Variants in MGAT4C observed in about 807,000 individuals in gnomAD.
The protein encoded by MGAT4C is alpha-1,3-mannosyl-glycoprotein 4-beta-N-acetylglucosaminyltransferase C.
MGAT4C carries 19 observed loss-of-function variants against 40.1 expected under a neutral mutation model. The observed-to-expected ratio is 0.47, with a 90% CI of 0.33 to 0.70. The LOEUF (loss-of-function observed/expected upper bound fraction) is 0.70, where lower values mean the gene tolerates loss of function less well. Among genes scored for constraint, MGAT4C ranks in the 30% least tolerant of loss-of-function variants. The probability of loss-of-function intolerance (pLI) is 0.02; values close to 1 mark genes in which losing one functional copy is unlikely to be tolerated. For synonymous variants in MGAT4C, 181 were observed against 187.1 expected (o/e 0.97, Z 0.27); for missense variants, 491 against 563.2 (o/e 0.87, Z 1.30).
At position 86,406,733 on chromosome 12, in the gene MGAT4C, C is replaced by G. The variant is rs528736715; in HGVS notation, c.-120+28424G>C. Among the ~76,000 whole-genome samples, 130 of 151,962 alleles carry G rather than the reference C, an allele frequency of 8.6e-4. 1 individual carries two copies. The highest frequency in any genetic ancestry group is 3.4e-3 in the Middle Eastern group (1 of 294). On this transcript the variant is annotated intron_variant, in intron 3 of 7. Coordinates refer to the MGAT4C transcript ENST00000548651. ...TCTTTAAAAAAAAAAACTAAATGTG[C>G]AAATGCTATATAACTCAGCAACTAT... is the stretch of plus-strand genomic sequence containing the variant.
chr12:86,605,366 C>T (rs574008344), intron 2 of MGAT4C, among the ~76,000 whole-genome samples: 2 of 151,864 alleles, frequency 1.3e-5, no homozygotes, highest in South Asian at 2.1e-4. Context: ...TTCTTTCACC[C>T]GTTTACTGAG....
chr12:86,037,555 G>T (rs1348533405), intron 2 of MGAT4C, among the ~76,000 whole-genome samples: 2 of 150,188 alleles, frequency 1.3e-5, no homozygotes. Flanking sequence ...TTACGCAGTA[G>T]TCATTCAGGA....
At chr12:86,018,194 G>A (rs2136850766) in intron 2 of MGAT4C, among the ~76,000 whole-genome samples, 1 of 152,150 alleles carries the variant, frequency 6.6e-6, no homozygotes, top group Non-Finnish European at 1.5e-5. Flanking sequence ...AGTAGAGGTG[G>A]GAAAGAAGAA....
intron 2 of MGAT4C, among the ~76,000 whole-genome samples, chr12:86,577,708 C>A (rs1212385726): frequency 1.3e-5 from 2 of 151,610 alleles, no homozygotes; most frequent in Non-Finnish European, 2.9e-5. Context: ...ATTTTGTTTG[C>A]TACTATTTTA....
intron 2 of MGAT4C, among the ~76,000 whole-genome samples, chr12:86,616,638 T>G (rs1039927882): frequency 1.3e-5 from 2 of 152,066 alleles, no homozygotes; most frequent in Non-Finnish European, 2.9e-5. Flanking sequence ...TACATGCTAC[T>G]CATTTATTTC....
intron 3 of MGAT4C, among the ~76,000 whole-genome samples, chr12:86,342,874 G>A (rs1022298383): frequency 2.0e-5 from 3 of 152,020 alleles, no homozygotes; most frequent in Admixed American, 1.3e-4. Flanking sequence ...CAATGCAATC[G>A]ATTGATTATA....
intron 1 of MGAT4C, among the ~76,000 whole-genome samples, chr12:86,826,841 T>C (rs1221720326): frequency 1.3e-5 from 2 of 151,388 alleles, no homozygotes; most frequent in East Asian, 3.9e-4. Context: ...ATGTTATACT[T>C]GTGCTTTTAT....
At chr12:86,834,206 ATATAGATATAGG>A (rs1466199175) in intron 1 of MGAT4C, among the ~76,000 whole-genome samples, 2,450 of 118,474 alleles carry the variant, frequency 0.021, 52 homozygotes, top group African/African-American at 0.061. Context: ...ATAGATATAG[ATATAGATATAGG>A]TCCATCTATA....
At chr12:86,369,081 T>C (rs908567680) in intron 3 of MGAT4C, among the ~76,000 whole-genome samples, 2 of 152,030 alleles carry the variant, frequency 1.3e-5, no homozygotes, top group African/African-American at 2.4e-5. Flanking sequence ...ATATTATACA[T>C]TTCTTTTGAA....
At chr12:86,231,556 T>C (rs1951325029) in intron 1 of MGAT4C, among the ~76,000 whole-genome samples, 1 of 152,204 alleles carries the variant, frequency 6.6e-6, no homozygotes, top group Admixed American at 6.5e-5. Context: ...TAATAAATAA[T>C]GTCTTTATAT....
chr12:86,046,021 A>G (rs775768318), intron 2 of MGAT4C, among the ~76,000 whole-genome samples: 1 of 152,192 alleles, frequency 6.6e-6, no homozygotes, highest in Non-Finnish European at 1.5e-5. Context: ...AATGAATTTT[A>G]GGTGACAGCA....
At chr12:86,447,202 C>T (rs780691476) in intron 2 of MGAT4C, among the ~76,000 whole-genome samples, 4 of 152,078 alleles carry the variant, frequency 2.6e-5, no homozygotes, top group African/African-American at 9.6e-5. Flanking sequence ...CTCGGCTCAC[C>T]GCAACCTTTG....
chr12:86,217,884 G>A (rs1403557945), intron 1 of MGAT4C, among the ~76,000 whole-genome samples: 2 of 152,058 alleles, frequency 1.3e-5, no homozygotes, highest in East Asian at 3.8e-4. Flanking sequence ...GATATAAGAA[G>A]GTTGTAGAAG....
At chr12:86,339,807 C>T (rs1461139901) in intron 3 of MGAT4C, among the ~76,000 whole-genome samples, 1 of 152,094 alleles carries the variant, frequency 6.6e-6, no homozygotes, top group Non-Finnish European at 1.5e-5. Context: ...AATAGTTTTT[C>T]TTTTCCTCAA....
chr12:86,194,000 T>G (rs1889811694), intron 1 of MGAT4C, among the ~76,000 whole-genome samples: 1 of 152,118 alleles, frequency 6.6e-6, no homozygotes, highest in African/African-American at 2.4e-5. Flanking sequence ...TTCCTTTTAT[T>G]TGGGGGTATT....
chr12:86,248,822 G>A (rs546927166), intron 1 of MGAT4C, among the ~76,000 whole-genome samples: 1 of 152,136 alleles, frequency 6.6e-6, no homozygotes, highest in South Asian at 2.1e-4. Context: ...TGAAATAAGT[G>A]AATAAACTTA....
At chr12:86,272,487 A>C (rs1952974080) in intron 4 of MGAT4C, among the ~76,000 whole-genome samples, 1 of 152,170 alleles carries the variant, frequency 6.6e-6, no homozygotes, top group Non-Finnish European at 1.5e-5. Flanking sequence ...ATGTTCCTTC[A>C]CCTAGGATAC....
At chr12:86,470,160 C>A (rs1262129435) in intron 2 of MGAT4C, among the ~76,000 whole-genome samples, 1 of 152,036 alleles carries the variant, frequency 6.6e-6, no homozygotes, top group Non-Finnish European at 1.5e-5. Flanking sequence ...TGCTTACAAG[C>A]AGAACTCTAA....
chr12:86,406,049 TTA>T (rs1236806076), intron 3 of MGAT4C, among the ~76,000 whole-genome samples: 5 of 144,990 alleles, frequency 3.4e-5, no homozygotes, highest in Non-Finnish European at 7.5e-5. Flanking sequence ...TATATAATTA[TTA>T]TATATATACA....
Sources: gnomAD v4.1 joint callset for allele counts (sites outside exome capture counted in the v4.1 genomes callset) on GRCh38, gnomAD v4.1.1 for gene constraint, MANE v1.5 for transcripts, NCBI Gene and HGNC (gene_info 2026-07-23, HGNC 2026-07-21) for gene names.